The following RBFOX3 variants were observed in gnomAD, a reference collection of about 807,000 sequenced individuals.
RBFOX3 encodes the protein RNA binding fox-1 homolog 3.
A neutral mutation model predicts 48.7 loss-of-function variants in RBFOX3; 17 were observed. That is an observed-to-expected ratio of 0.35 (90% confidence interval 0.24 to 0.52). The LOEUF (loss-of-function observed/expected upper bound fraction) is 0.52. Ranked by LOEUF, RBFOX3 falls within the 20% of genes least tolerant of loss-of-function variation. The pLI is 0.94. For missense variants in RBFOX3, 382 were observed against 497.5 expected, an observed-to-expected ratio of 0.77 and a Z score of 2.21; for synonymous variants, 212 against 209.5, an observed-to-expected ratio of 1.01 and a Z score of -0.10.
At chr17:79,600,489 T>G (rs1167096011) in intron 1 of RBFOX3, 1 of 152,240 alleles carries the variant, frequency 6.6e-6, no homozygotes, top group African/African-American at 2.4e-5. Flanking sequence ...TTGAGGCTCT[T>G]GCAAATGCCA....
At chr17:79,323,641 G>C (rs112436566) in intron 2 of RBFOX3, among the ~76,000 whole-genome samples, 1 of 152,146 alleles carries the variant, frequency 6.6e-6, no homozygotes, top group East Asian at 1.9e-4. Flanking sequence ...GCGGGGGCTC[G>C]GTCCTGACCT....
chr17:79,282,852 A>G (rs549538512), intron 3 of RBFOX3, among the ~76,000 whole-genome samples: 2 of 152,380 alleles, frequency 1.3e-5, no homozygotes, highest in East Asian at 1.9e-4. Context: ...AGGCTGGTCT[A>G]CTGGACACCC....
At chr17:79,123,442 C>T (rs2036304387) in intron 4 of RBFOX3, among the ~76,000 whole-genome samples, 1 of 151,414 alleles carries the variant, frequency 6.6e-6, no homozygotes, top group Admixed American at 6.6e-5. Flanking sequence ...CCTCTGAGTG[C>T]CTCCAGGTGT....
At chr17:79,564,355 G>T (rs2092373943) in intron 1 of RBFOX3, among the ~76,000 whole-genome samples, 3 of 152,154 alleles carry the variant, frequency 2.0e-5, no homozygotes, top group African/African-American at 7.2e-5. Flanking sequence ...TGGTGTAGTG[G>T]GAACCTGCCT....
chr17:79,437,477 C>T lies in RBFOX3; in HGVS notation c.-175+44977G>A, dbSNP rs2069772903. Among the ~76,000 whole-genome samples, 3 of 152,322 alleles carry T rather than the reference C, an allele frequency of 2.0e-5. No individual in the cohort carries two copies. In the South Asian group the frequency reaches 6.2e-4, roughly 32 times the overall value. The stretch of plus-strand genomic sequence containing the variant: ...GTCACTGCCACTCTGTGACACCAGC[C>T]CCACTCCAGGCTCTGAGGTCCTGGA... On this transcript the variant is annotated intron_variant, in intron 2 of 14. Transcript: ENST00000693108.
the RBFOX3 span, among the ~76,000 whole-genome samples, chr17:79,625,989 C>T: frequency 6.6e-6 from 1 of 152,082 alleles, no homozygotes. Context: ...TGCAGTTGCT[C>T]CAGGGGAAAG....
intron 2 of RBFOX3, among the ~76,000 whole-genome samples, chr17:79,449,927 T>A (rs553556611): frequency 2.6e-5 from 4 of 152,160 alleles, no homozygotes; most frequent in Non-Finnish European, 4.4e-5. Context: ...GCTCGTTAAT[T>A]AATCACTCAT....
chr17:79,115,638 T>G lies in RBFOX3; in HGVS notation c.78A>C (p.Pro26=), dbSNP rs1599498161. The G allele has an allele frequency of 8.0e-6, 8 of 997,050 alleles. No homozygotes were observed. The highest frequency in any genetic ancestry group is 9.0e-5 in the East Asian group (1 of 11,162). 61.8% of individuals were successfully genotyped at this position (997,050 alleles called of 1,614,324 possible). Residue 26 remains proline (P), a synonymous_variant, in exon 5 of 15, where the codon CCA becomes CCC. Transcript: ENST00000693108. ...NGIPAEYAPP[P]PHPTQDYSGQ... is the part of the protein sequence containing the mutation. Reference sequence around the variant, plus strand: ...CGGAGTAGTCCTGCGTGGGGTGCGGTGGGGGCGGGGCGTACTCGGCAGGGA... The same window carrying G: ...CGGAGTAGTCCTGCGTGGGGTGCGGGGGGGGCGGGGCGTACTCGGCAGGGA...
intron 1 of RBFOX3, among the ~76,000 whole-genome samples, chr17:79,538,185 C>T (rs1273141106): frequency 6.6e-6 from 1 of 152,222 alleles, no homozygotes; most frequent in Non-Finnish European, 1.5e-5. Context: ...CCTTCCCAGG[C>T]TGTTGTGAAT....
At chr17:79,613,911 T>C (rs1375283835), upstream of RBFOX3, among the ~76,000 whole-genome samples, 2 of 151,942 alleles carry the variant, frequency 1.3e-5, no homozygotes, top group African/African-American at 4.8e-5. Flanking sequence ...GAGGTGGAGG[T>C]TGCAGAGAGC....
chr17:79,415,509 C>T (rs1026505132), intron 2 of RBFOX3, among the ~76,000 whole-genome samples: 4 of 152,154 alleles, frequency 2.6e-5, no homozygotes, highest in Non-Finnish European at 4.4e-5. Context: ...GCACGGCAGA[C>T]GCAGATGGAG....
chr17:79,552,609 A>G (rs1416324380), intron 1 of RBFOX3, among the ~76,000 whole-genome samples: 1 of 152,144 alleles, frequency 6.6e-6, no homozygotes, highest in Non-Finnish European at 1.5e-5. Context: ...AAGTCAGCAA[A>G]TATTTCTTGA....
chr17:79,190,483 G>A (rs1259820475), intron 4 of RBFOX3, among the ~76,000 whole-genome samples: 1 of 151,078 alleles, frequency 6.6e-6, no homozygotes, highest in African/African-American at 2.4e-5. Context: ...CAAGAGTGAT[G>A]GGGCTGGAAG....
chr17:79,227,259 C>T (rs898584837), intron 4 of RBFOX3, among the ~76,000 whole-genome samples: 7 of 152,184 alleles, frequency 4.6e-5, no homozygotes, highest in South Asian at 2.1e-4. Context: ...AGAGGTCCAG[C>T]GAAGCAGCGA....
chr17:79,585,138 C>T (rs1217545626), intron 1 of RBFOX3, among the ~76,000 whole-genome samples: 1 of 152,140 alleles, frequency 6.6e-6, no homozygotes, highest in African/African-American at 2.4e-5. Flanking sequence ...ACACTGAGTA[C>T]AGCGTCCACT....
intron 5 of RBFOX3, among the ~76,000 whole-genome samples, chr17:79,110,301 G>A (rs1031937373): frequency 1.3e-5 from 2 of 152,122 alleles, no homozygotes; most frequent in East Asian, 3.9e-4. Context: ...CTCAAGTTCG[G>A]GGTGGGGGTC....
At chr17:79,118,355 C>T (rs558689869) in intron 4 of RBFOX3, among the ~76,000 whole-genome samples, 4 of 152,278 alleles carry the variant, frequency 2.6e-5, no homozygotes, top group Admixed American at 2.0e-4. Flanking sequence ...GGCTCATTGC[C>T]CCAAGGTAGC....
rs2078601208 is a variant in RBFOX3, at chr17:79,480,355, A to G, written c.-175+2099T>C. On this transcript the variant is annotated intron_variant, in intron 2 of 14. Transcript: ENST00000693108. The surrounding 1 kb of genome is among the most constrained non-coding windows in gnomAD (Gnocchi z 4.8). ...GGTCCATGGCAGAGCCAGTGCTCCCAGGGATAGAGTGCGACAGTGGGCTCG... is the reference window on the plus strand; with the variant it reads ...GGTCCATGGCAGAGCCAGTGCTCCCGGGGATAGAGTGCGACAGTGGGCTCG... Among the ~76,000 whole-genome samples the G allele has an allele frequency of 6.6e-6, 1 of 152,140 alleles. No homozygotes were observed. The highest frequency in any genetic ancestry group is 2.1e-4 in the South Asian group (1 of 4,832).
chr17:79,606,097 G>C (rs1478007706), intron 1 of RBFOX3, among the ~76,000 whole-genome samples: 6 of 152,208 alleles, frequency 3.9e-5, no homozygotes, highest in Non-Finnish European at 7.3e-5. Flanking sequence ...GCAGCAGTGA[G>C]AAGGGAGAGG....
Sources: gnomAD v4.1 joint callset for allele counts (sites outside exome capture counted in the v4.1 genomes callset) on GRCh38, gnomAD v4.1.1 for gene constraint, Gnocchi (gnomAD v3.1) non-coding constraint, MANE v1.5 for transcripts, NCBI Gene and HGNC (gene_info 2026-07-23, HGNC 2026-07-21) for gene names.